The following AKAP13 variants were observed in gnomAD, a reference collection of about 807,000 sequenced individuals.
AKAP13 encodes A-kinase anchoring protein 13.
Under a neutral mutation model 264.5 loss-of-function variants are expected in AKAP13, and 80 were observed. The ratio of observed to expected loss-of-function variants is 0.30; its 90% CI spans 0.25 to 0.36. AKAP13 has a LOEUF of 0.36. Ranked by LOEUF, AKAP13 falls within the 10% of genes least tolerant of loss-of-function variation. The pLI is 1.00. For missense variants in AKAP13, 3,712 were observed against 3,435.2 expected, an observed-to-expected ratio of 1.08 and a Z score of -2.01; for synonymous variants, 1,380 against 1,250.2, an observed-to-expected ratio of 1.10 and a Z score of -2.19.
chr15:85,736,218 T>C (rs879220987), intron 33 of AKAP13, 84 bp downstream of exon 33: 1 of 1,218,880 alleles, frequency 8.2e-7, no homozygotes, highest in Non-Finnish European at 1.2e-6. Context: ...TTTTTTTTTT[T>C]TCTTTTTGCT....
chr15:85,673,884 G>C (rs1047800169), intron 14 of AKAP13, among the ~76,000 whole-genome samples: 20 of 151,098 alleles, frequency 1.3e-4, no homozygotes, highest in Non-Finnish European at 2.2e-4. Context: ...GTAGAGATGG[G>C]GTTTTACCAT....
intron 2 of AKAP13, among the ~76,000 whole-genome samples, chr15:85,505,310 C>T (rs973612101): frequency 6.6e-5 from 10 of 152,208 alleles, no homozygotes; most frequent in Non-Finnish European, 1.3e-4. Context: ...GGTGCCTGGA[C>T]ATCTTTAAGA....
At chr15:85,443,094 G>T (rs911707851) in intron 1 of AKAP13, among the ~76,000 whole-genome samples, 1 of 152,060 alleles carries the variant, frequency 6.6e-6, no homozygotes, top group African/African-American at 2.4e-5. Context: ...TTGTTAACCT[G>T]TGTCTTATTT....
chr15:85,686,051 C>CA, intron 16 of AKAP13, among the ~76,000 whole-genome samples: 1 of 152,258 alleles, frequency 6.6e-6, no homozygotes, highest in Admixed American at 6.5e-5. Context: ...TCGCCTCTCA[C>CA]ACCCTGTTCA....
chr15:85,628,834 G>T (rs2081556798), intron 8 of AKAP13, among the ~76,000 whole-genome samples: 1 of 152,018 alleles, frequency 6.6e-6, no homozygotes, highest in Non-Finnish European at 1.5e-5. Flanking sequence ...AATACACTTT[G>T]CCAAACTTAT....
At chr15:85,388,942 A>G (rs376897399) in intron 1 of AKAP13, among the ~76,000 whole-genome samples, 1 of 152,294 alleles carries the variant, frequency 6.6e-6, no homozygotes, top group South Asian at 2.1e-4. Context: ...TAAGTTGCCA[A>G]ACTTATGTGT....
rs534394863 is a variant in AKAP13, at chr15:85,729,168, A to G, written c.7088-1345A>G. On this transcript the variant is annotated intron_variant, in intron 29 of 36. Coordinates refer to ENST00000394518, the MANE Select transcript of AKAP13 (RefSeq NM_007200.5). ...ACAAAAATTAGCTGGGCGTGGTGGC[A>G]CGTGCCTGTAATCCCAGCTACTTAG... Among the ~76,000 whole-genome samples the G allele has an allele frequency of 3.9e-5, 6 of 152,088 alleles. No homozygotes were observed. In the South Asian group the frequency reaches 8.3e-4, roughly 21 times the overall value.
chr15:85,488,527 A>G (rs544206121), intron 2 of AKAP13, among the ~76,000 whole-genome samples: 5 of 152,224 alleles, frequency 3.3e-5, no homozygotes, highest in African/African-American at 4.8e-5. Flanking sequence ...TTTACCTTAC[A>G]TGGCAAAAAG....
intron 1 of AKAP13, chr15:85,415,190 A>C: frequency 7.5e-7 from 1 of 1,335,472 alleles, no homozygotes; most frequent in Non-Finnish European, 1.0e-6. Flanking sequence ...ACGCCGACGC[A>C]GACCCCGCTC....
intron 34 of AKAP13, 59 bp downstream of exon 34, chr15:85,740,331 C>T: frequency 1.9e-6 from 3 of 1,587,862 alleles, no homozygotes; most frequent in South Asian, 2.2e-5. Flanking sequence ...CAGCTTGGGG[C>T]TGTTGTTGAC....
chr15:85,720,321 A>C (rs865991849), intron 23 of AKAP13, among the ~76,000 whole-genome samples: 9 of 152,082 alleles, frequency 5.9e-5, no homozygotes, highest in Admixed American at 4.6e-4. Flanking sequence ...CCTCTGCCTC[A>C]AATCAGAAGG....
rs1452372188 is a variant in AKAP13 at position 85,708,006 on chromosome 15, G to C, written c.5465-13G>C. On this transcript the variant is annotated splice_polypyrimidine_tract_variant and intron_variant, in intron 17 of 36. Transcript: ENST00000394518. This position sits in a 1 kb window ranked among gnomAD's most constrained non-coding sequence, Gnocchi z 4.3. Reference sequence around the variant, plus strand: ...GCTTTGTCCATGTGACCTTGGGTTTGCTTTCTTTTCAGATTGCAGTGCTTT... The same window carrying C: ...GCTTTGTCCATGTGACCTTGGGTTTCCTTTCTTTTCAGATTGCAGTGCTTT... 6.2e-7 allele frequency: 1 copy of C among 1,613,412 alleles called. No homozygotes were observed. Among genetic ancestry groups the C allele is most frequent in the Non-Finnish European group, 8.5e-7 (1 of 1,179,570 alleles).
chr15:85,531,583 C>T (rs777417747), intron 3 of AKAP13, among the ~76,000 whole-genome samples: 9 of 152,194 alleles, frequency 5.9e-5, no homozygotes, highest in Non-Finnish European at 1.0e-4. Context: ...GGCTGCCCTT[C>T]AAAGAAATAT....
At chr15:85,461,900 A>G (rs2074533030) in intron 1 of AKAP13, among the ~76,000 whole-genome samples, 2 of 152,242 alleles carry the variant, frequency 1.3e-5, no homozygotes, top group South Asian at 4.1e-4. Flanking sequence ...CTGAACAAGA[A>G]TTTTAACTTT....
chr15:85,413,980 A>G (rs2072109625), intron 1 of AKAP13, among the ~76,000 whole-genome samples: 1 of 152,116 alleles, frequency 6.6e-6, no homozygotes, highest in Non-Finnish European at 1.5e-5. Context: ...TTCAACTTTC[A>G]TTGTTTTCTC....
At chr15:85,417,590 C>A (rs1407522721) in intron 1 of AKAP13, among the ~76,000 whole-genome samples, 1 of 152,072 alleles carries the variant, frequency 6.6e-6, no homozygotes, top group Non-Finnish European at 1.5e-5. Context: ...TGTTGTTAGC[C>A]CATTGATAAA....
At chr15:85,573,745 A>G (rs2078906996) in intron 5 of AKAP13, among the ~76,000 whole-genome samples, 1 of 152,144 alleles carries the variant, frequency 6.6e-6, no homozygotes. Context: ...CATTATGTTT[A>G]AAGCTTTCAG....
chr15:85,735,001 T>G lies in AKAP13; in HGVS notation c.7292T>G (p.Leu2431Arg). The G allele has an allele frequency of 2.5e-6, 4 of 1,613,600 alleles. No individual in the cohort carries two copies. The highest frequency in any genetic ancestry group is 3.4e-6 in the Non-Finnish European group (4 of 1,179,834). Residue 2431 changes from leucine (L) to arginine (R), a missense_variant, in exon 31 of 37, where the codon CTT becomes CGT. Coordinates refer to ENST00000394518, the MANE Select transcript of AKAP13 (RefSeq NM_007200.5). ...GTTTCCTTTATTCCAGTGGAGATCC[T>G]TCAGGGTTTGGTGAGTGGAAATCTG... is the stretch of plus-strand genomic sequence containing the variant. ...MKSAINEVEI[L>R]QGLVSGNLGG...
intron 3 of AKAP13, among the ~76,000 whole-genome samples, chr15:85,533,276 T>G (rs1282206198): frequency 6.6e-6 from 1 of 152,232 alleles, no homozygotes; most frequent in Non-Finnish European, 1.5e-5. Flanking sequence ...TATGTTCAAA[T>G]TGAATAGCCC....
Sources: gnomAD v4.1 joint callset for allele counts (sites outside exome capture counted in the v4.1 genomes callset) on GRCh38, gnomAD v4.1.1 for gene constraint, Gnocchi (gnomAD v3.1) non-coding constraint, MANE v1.5 for transcripts, NCBI Gene and HGNC (gene_info 2026-07-23, HGNC 2026-07-21) for gene names.